The following ROR1 variants were observed in gnomAD, a reference collection of about 807,000 sequenced individuals.
ROR1 encodes ROR family WNT receptor 1.
ROR1 carries 19 observed loss-of-function variants against 78.8 expected under a neutral mutation model. That is an observed-to-expected ratio of 0.24 (90% CI 0.17 to 0.35). ROR1 has a LOEUF of 0.35. Ranked by LOEUF, ROR1 falls within the 10% of genes least tolerant of loss-of-function variation. The pLI is 1.00. For missense variants in ROR1, 917 were observed against 1,177.8 expected (o/e 0.78, Z 3.24); for synonymous variants, 386 against 433.6 (o/e 0.89, Z 1.36).
intron 1 of ROR1, among the ~76,000 whole-genome samples, chr1:64,004,072 C>T (rs989633520): frequency 6.6e-6 from 1 of 152,190 alleles, no homozygotes; most frequent in Admixed American, 6.5e-5. Flanking sequence ...TGGCTATACA[C>T]GGCAGAACAT....
At chr1:64,148,709 A>C (rs1649540741) in intron 7 of ROR1, among the ~76,000 whole-genome samples, 3 of 152,200 alleles carry the variant, frequency 2.0e-5, no homozygotes, top group Non-Finnish European at 4.4e-5. Context: ...AAAATTAAGT[A>C]CAATCAAATA....
At chr1:64,176,447 A>C (rs2100744982) in intron 8 of ROR1, among the ~76,000 whole-genome samples, 1 of 152,242 alleles carries the variant, frequency 6.6e-6, no homozygotes, top group Admixed American at 6.5e-5. Flanking sequence ...TTGCAATAAC[A>C]TGGTAAGTAC....
At chr1:63,970,215 T>C (rs1279164182) in intron 1 of ROR1, among the ~76,000 whole-genome samples, 2 of 152,292 alleles carry the variant, frequency 1.3e-5, no homozygotes, top group Non-Finnish European at 2.9e-5. Flanking sequence ...CCTGTTGCCA[T>C]AGACCCTGTA....
intron 1 of ROR1, among the ~76,000 whole-genome samples, chr1:63,860,602 C>CACACACACAT (rs1249309148): frequency 9.4e-5 from 14 of 148,774 alleles, no homozygotes; most frequent in African/African-American, 3.6e-4. Flanking sequence ...CACACACACA[C>CACACACACAT]ACATACACAC....
chr1:64,089,050 T>A (rs908267488), intron 4 of ROR1, among the ~76,000 whole-genome samples: 18 of 152,074 alleles, frequency 1.2e-4, no homozygotes, highest in African/African-American at 4.1e-4. Context: ...TAAATATTAT[T>A]ATAATACTTT....
intron 1 of ROR1, among the ~76,000 whole-genome samples, chr1:63,878,537 G>A (rs958697043): frequency 4.0e-5 from 6 of 151,304 alleles, no homozygotes; most frequent in Non-Finnish European, 7.4e-5. Context: ...AGCTTTCTTG[G>A]TTTAAAACTC....
chr1:63,962,132 C>A (rs1421545938), intron 1 of ROR1, among the ~76,000 whole-genome samples: 2 of 152,094 alleles, frequency 1.3e-5, no homozygotes, highest in Admixed American at 6.6e-5. Context: ...TGTTAGGGTG[C>A]ATCTATAGTC....
chr1:64,008,473 A>G (rs1646447947), intron 1 of ROR1, among the ~76,000 whole-genome samples: 2 of 152,130 alleles, frequency 1.3e-5, no homozygotes, highest in African/African-American at 4.8e-5. Context: ...TTTGGGGTAT[A>G]TACCTTGTAA....
intron 1 of ROR1, among the ~76,000 whole-genome samples, chr1:63,798,648 C>A (rs562596181): frequency 6.6e-6 from 1 of 152,286 alleles, no homozygotes; most frequent in East Asian, 1.9e-4. Flanking sequence ...ACACATAGTA[C>A]CCAGCACATA....
chr1:63,974,587 AC>A (rs1265418226), intron 1 of ROR1, among the ~76,000 whole-genome samples: 2 of 151,908 alleles, frequency 1.3e-5, no homozygotes, highest in East Asian at 3.9e-4. Context: ...TTTAATGTGG[AC>A]ATTACTTGAA....
At chr1:63,874,244 CAA>C (rs1645269413) in intron 1 of ROR1, among the ~76,000 whole-genome samples, 1 of 152,138 alleles carries the variant, frequency 6.6e-6, no homozygotes, top group African/African-American at 2.4e-5. Context: ...GGCATATTTT[CAA>C]AGTGTGGTAT....
At chr1:63,968,585 T>G (rs1251072853) in intron 1 of ROR1, among the ~76,000 whole-genome samples, 1 of 152,206 alleles carries the variant, frequency 6.6e-6, no homozygotes, top group Non-Finnish European at 1.5e-5. Context: ...CAATGCAGGT[T>G]TCTTCACTGC....
At chr1:64,121,188 C>A (rs555429621) in intron 4 of ROR1, among the ~76,000 whole-genome samples, 12 of 144,932 alleles carry the variant, frequency 8.3e-5, no homozygotes, top group African/African-American at 3.1e-4. Flanking sequence ...TCCTTCCTTT[C>A]TTCCTTCCTC....
In ROR1 at chr1:64,069,172, C is replaced by G. The variant is rs1348019640; in HGVS notation, c.482+18456C>G. Among the ~76,000 whole-genome samples, 15 of 151,468 alleles carry G rather than the reference C, an allele frequency of 9.9e-5. 1 individual carries two copies. The South Asian group carries it at 2.3e-3, about 23-fold the overall frequency. ...TTTTTTTAACTGGTGGCGGGGGGAA[C>G]TTTAAAAAAAAAATCAAAATCACTG... is the stretch of plus-strand genomic sequence containing the variant. On this transcript the variant is annotated intron_variant, in intron 4 of 8. Transcript: ENST00000371079.
intron 4 of ROR1, among the ~76,000 whole-genome samples, chr1:64,060,705 C>T (rs1646910158): frequency 6.6e-6 from 1 of 152,156 alleles, no homozygotes; most frequent in African/African-American, 2.4e-5. Flanking sequence ...TCCAGTAAAG[C>T]AGCTAACCTC....
At chr1:64,134,155 T>C (rs1320362364) in intron 4 of ROR1, among the ~76,000 whole-genome samples, 1 of 152,170 alleles carries the variant, frequency 6.6e-6, no homozygotes, top group East Asian at 1.9e-4. Context: ...TCTCTATGCT[T>C]TCTGAGTCTC....
At chr1:64,009,261 A>G (rs1345784087) in intron 1 of ROR1, 44 bp from the exon 2 acceptor site, 1 of 1,389,814 alleles carries the variant, frequency 7.2e-7, no homozygotes, top group East Asian at 2.3e-5. Context: ...TACTATATTT[A>G]ATATTGCCCT....
intron 4 of ROR1, among the ~76,000 whole-genome samples, chr1:64,063,085 A>C (rs1156254754): frequency 6.6e-6 from 1 of 152,238 alleles, no homozygotes; most frequent in Non-Finnish European, 1.5e-5. Context: ...CCAGGGGCTC[A>C]TATACCATTG....
chr1:63,985,761 ATTACCT>A (rs1274407262), intron 1 of ROR1, among the ~76,000 whole-genome samples: 1 of 151,460 alleles, frequency 6.6e-6, no homozygotes, highest in Non-Finnish European at 1.5e-5. Flanking sequence ...ATAAAGTAAG[ATTACCT>A]TTATACTATG....
Sources: gnomAD v4.1 joint callset for allele counts (sites outside exome capture counted in the v4.1 genomes callset) on GRCh38, gnomAD v4.1.1 for gene constraint, MANE v1.5 for transcripts, NCBI Gene and HGNC (gene_info 2026-07-23, HGNC 2026-07-21) for gene names.